The following ARB2A variants were observed in gnomAD, a reference collection of about 807,000 sequenced individuals.
ARB2A encodes cotranscriptional regulator ARB2A.
At chr5:93,654,046 A>G in the ARB2A span, among the ~76,000 whole-genome samples, 3 of 152,238 alleles carry the variant, frequency 2.0e-5, no homozygotes, top group African/African-American at 7.2e-5. Flanking sequence ...TGTATGCTGG[A>G]CACTGTGCTA....
the ARB2A span, among the ~76,000 whole-genome samples, chr5:93,848,425 C>T: frequency 5.3e-5 from 8 of 151,032 alleles, no homozygotes; most frequent in African/African-American, 1.9e-4. Context: ...TTGACTGATA[C>T]GTCCAATAAA....
the ARB2A span, among the ~76,000 whole-genome samples, chr5:93,635,721 T>C: frequency 6.6e-6 from 1 of 152,150 alleles, no homozygotes; most frequent in Non-Finnish European, 1.5e-5. Context: ...ATTACAGGCA[T>C]GAGCTACTGC....
the ARB2A span, among the ~76,000 whole-genome samples, chr5:93,828,837 C>T: frequency 9.9e-5 from 15 of 152,186 alleles, no homozygotes; most frequent in South Asian, 2.1e-4. Context: ...AGTGTGGTGG[C>T]GCAATCTTGG....
At chr5:94,044,827 C>A in the ARB2A span, among the ~76,000 whole-genome samples, 1 of 152,034 alleles carries the variant, frequency 6.6e-6, no homozygotes, top group African/African-American at 2.4e-5. Flanking sequence ...AGCTATACTC[C>A]CACTGGCACC....
chr5:93,820,870 T>G, the ARB2A span, among the ~76,000 whole-genome samples: 1 of 152,182 alleles, frequency 6.6e-6, no homozygotes. Flanking sequence ...ATTTGAGTTG[T>G]TACCATATGG....
chr5:93,654,342 TAAC>T, the ARB2A span, among the ~76,000 whole-genome samples: 2 of 152,130 alleles, frequency 1.3e-5, no homozygotes, highest in African/African-American at 4.8e-5. Context: ...TTACAGTCAT[TAAC>T]ACTATGCCAT....
the ARB2A span, among the ~76,000 whole-genome samples, chr5:93,841,822 G>A: frequency 3.3e-5 from 5 of 152,164 alleles, no homozygotes; most frequent in Non-Finnish European, 7.3e-5. Context: ...ACAAAGGGAT[G>A]CGAGTGTTGC....
the ARB2A span, among the ~76,000 whole-genome samples, chr5:93,952,693 A>C: frequency 6.6e-6 from 1 of 152,180 alleles, no homozygotes. Flanking sequence ...TTAGAAAGTT[A>C]TAGATATTGA....
At chr5:93,737,867 A>G in the ARB2A span, 17 of 433,348 alleles carry the variant, frequency 3.9e-5, no homozygotes, top group South Asian at 2.9e-4. Context: ...AATTTAATAA[A>G]TAAAACTGTA....
chr5:93,632,257 C>T, the ARB2A span, among the ~76,000 whole-genome samples: 2 of 152,168 alleles, frequency 1.3e-5, no homozygotes, highest in African/African-American at 2.4e-5. Context: ...AGAAGGCCAT[C>T]GGTTTCAACT....
At chr5:93,855,245 T>C in the ARB2A span, among the ~76,000 whole-genome samples, 1 of 152,180 alleles carries the variant, frequency 6.6e-6, no homozygotes, top group Non-Finnish European at 1.5e-5. Flanking sequence ...TCTTAGTTGG[T>C]TTAAAGTCTG....
the ARB2A span, among the ~76,000 whole-genome samples, chr5:93,951,952 C>G: frequency 6.6e-6 from 1 of 152,148 alleles, no homozygotes; most frequent in African/African-American, 2.4e-5. Context: ...GTTGCAACTT[C>G]AAGGGATAGC....
the ARB2A span, among the ~76,000 whole-genome samples, chr5:94,038,928 C>A: frequency 6.6e-6 from 1 of 152,032 alleles, no homozygotes; most frequent in Non-Finnish European, 1.5e-5. Context: ...GACTTTCAGG[C>A]AGTAAACTCA....
the ARB2A span, among the ~76,000 whole-genome samples, chr5:93,639,538 A>G: frequency 6.6e-6 from 1 of 152,014 alleles, no homozygotes; most frequent in South Asian, 2.1e-4. Context: ...CATCACTAAT[A>G]CATCTTCCAT....
the ARB2A span, among the ~76,000 whole-genome samples, chr5:93,657,907 GC>G: frequency 6.6e-6 from 1 of 152,044 alleles, no homozygotes; most frequent in African/African-American, 2.4e-5. Flanking sequence ...AAATCTTTCA[GC>G]TAAAAACAAC....
the ARB2A span, among the ~76,000 whole-genome samples, chr5:93,629,556 C>T: frequency 6.6e-6 from 1 of 152,174 alleles, no homozygotes; most frequent in Admixed American, 6.5e-5. Context: ...TAATTTACTT[C>T]CTAGGGTCTG....
chr5:93,632,785 A>G, the ARB2A span, among the ~76,000 whole-genome samples: 6 of 152,356 alleles, frequency 3.9e-5, no homozygotes, highest in African/African-American at 1.4e-4. Context: ...ATCAATCTGT[A>G]GCAATAGTAA....
chr5:93,762,603 T>A, the ARB2A span, among the ~76,000 whole-genome samples: 1 of 152,194 alleles, frequency 6.6e-6, no homozygotes, highest in East Asian at 1.9e-4. Flanking sequence ...ATATGGAGAA[T>A]GGAACGAAGT....
At chr5:93,656,228 G>T in the ARB2A span, among the ~76,000 whole-genome samples, 1 of 152,186 alleles carries the variant, frequency 6.6e-6, no homozygotes, top group Admixed American at 6.5e-5. Flanking sequence ...CCAGAGAAAA[G>T]AATACACTGT....
Sources: gnomAD v4.1 joint callset for allele counts (sites outside exome capture counted in the v4.1 genomes callset) on GRCh38, gnomAD v4.1.1 for gene constraint, MANE v1.5 for transcripts, NCBI Gene and HGNC (gene_info 2026-07-23, HGNC 2026-07-21) for gene names.